Variants in MTMR8 observed in about 807,000 individuals in gnomAD.
MTMR8 encodes the protein myotubularin related protein 8, also known as phosphatidylinositol-3,5-bisphosphate 3-phosphatase MTMR8.
A neutral mutation model predicts 39.3 loss-of-function variants in MTMR8; 65 were observed. That is an observed-to-expected ratio of 1.65 (90% CI 1.35 to 2.03). The LOEUF (loss-of-function observed/expected upper bound fraction) is 2.03, where lower values mean the gene tolerates loss of function less well. MTMR8 is among the 30% of genes most tolerant of loss of function. The pLI is 0.00. For synonymous variants in MTMR8, 245 were observed against 185.2 expected (o/e 1.32, Z -2.62); for missense variants, 777 against 538.9 (o/e 1.44, Z -4.37).
rs759646541 is a variant in MTMR8 at position 64,383,164 on chromosome X, G to T, written c.24+12176C>A. Among the ~76,000 whole-genome samples, 4 of 110,995 alleles carry T rather than the reference G, an allele frequency of 3.6e-5. No individual in the cohort carries two copies. The South Asian group carries it at 1.5e-3, about 42-fold the overall frequency. ...GAAAAAAGATCTCTTTTGATCACCT[G>T]CCCCTAGGATTCTGTCCTGCAAAGT... On this transcript the variant is annotated intron_variant, in intron 1 of 13. Transcript: ENST00000374852.
chrX:64,337,420 C>G (rs975411080), intron 8 of MTMR8, 27 bp from the exon 9 acceptor site: 2 of 1,197,115 alleles, frequency 1.7e-6, no homozygotes, highest in African/African-American at 3.5e-5. Context: ...CAAAAAAGTA[C>G]CACAAGCAAC....
chrX:64,278,872 C>A (rs1931943147), intron 12 of MTMR8, among the ~76,000 whole-genome samples: 1 of 111,452 alleles, frequency 9.0e-6, no homozygotes, highest in Non-Finnish European at 1.9e-5. Context: ...ACTCCAGACC[C>A]TATTTGCCTG....
intron 1 of MTMR8, among the ~76,000 whole-genome samples, chrX:64,384,208 G>A (rs992542595): frequency 2.1e-4 from 24 of 112,027 alleles, no homozygotes; most frequent in Non-Finnish European, 4.3e-4. Context: ...CTGCTGTGAG[G>A]GGTGGACTCT....
Position 64,384,671 on chromosome X carries a change from C to G in MTMR8, c.24+10669G>C, listed in dbSNP as rs535244844. On this transcript the variant is annotated intron_variant, in intron 1 of 13. Transcript: ENST00000374852. ...CAAGCTATATCTGGGCCCCTTTGTG[C>G]CAAGGCTGGAGCCAGAGTAGCCCAG... 3.4e-4 allele frequency among the ~76,000 whole-genome samples: 38 copies of G among 112,579 alleles called. 1 individual carries two copies. In the South Asian group the frequency reaches 0.012, roughly 35 times the overall value.
At chrX:64,305,257 G>T in intron 12 of MTMR8, 1 of 171,016 alleles carries the variant, frequency 5.8e-6, no homozygotes, top group Admixed American at 7.5e-5. Context: ...TATAAGATTG[G>T]CTATGGATTC....
At chrX:64,272,138 G>T (rs1281967902) in intron 12 of MTMR8, among the ~76,000 whole-genome samples, 5 of 111,759 alleles carry the variant, frequency 4.5e-5, no homozygotes. Context: ...ATGACTTGGG[G>T]TGAGAGTGGA....
At position 64,362,387 on chromosome X, in the gene MTMR8, T is replaced by C. The variant is rs896339818; in HGVS notation, c.25-2860A>G. ...AAAAAAGTAAAGGGGAAAGATTTGCTCTACTAGGTATTAAAACATACTCAA... is the reference window on the plus strand; with the variant it reads ...AAAAAAGTAAAGGGGAAAGATTTGCCCTACTAGGTATTAAAACATACTCAA... On this transcript the variant is annotated intron_variant, in intron 1 of 13. Coordinates refer to ENST00000374852, the MANE Select transcript of MTMR8 (RefSeq NM_017677.4). Among the ~76,000 whole-genome samples the C allele has an allele frequency of 8.1e-5, 8 of 99,166 alleles. No individual in the cohort carries two copies. In the Admixed American group the frequency reaches 8.2e-4, roughly 10 times the overall value. 86.1% of individuals were successfully genotyped at this position (99,166 alleles called of 115,157 possible). A position where few individuals can be genotyped will look rare whatever the true frequency, so the allele number is the denominator to read the frequency against.
intron 1 of MTMR8, among the ~76,000 whole-genome samples, chrX:64,363,463 C>A (rs907704991): frequency 2.7e-5 from 3 of 111,802 alleles, no homozygotes; most frequent in Non-Finnish European, 5.6e-5. Flanking sequence ...CTGCTCCAAA[C>A]ATGTGAGATG....
At chrX:64,334,727 G>A (rs1015308547) in intron 10 of MTMR8, among the ~76,000 whole-genome samples, 2 of 110,597 alleles carry the variant, frequency 1.8e-5, no homozygotes, top group African/African-American at 6.6e-5. Flanking sequence ...CCTGTTTAAT[G>A]CCTTTATGGT....
chrX:64,380,006 C>A (rs1217639077), intron 1 of MTMR8, among the ~76,000 whole-genome samples: 1 of 111,627 alleles, frequency 9.0e-6, no homozygotes, highest in Admixed American at 9.6e-5. Flanking sequence ...AACCTCTCAG[C>A]AAACTAGGAA....
intron 12 of MTMR8, among the ~76,000 whole-genome samples, chrX:64,301,725 T>G (rs1312558901): frequency 3.6e-5 from 4 of 111,458 alleles, no homozygotes; most frequent in African/African-American, 1.3e-4. Context: ...CTTTTGGTCT[T>G]TGATGATGGT....
intron 1 of MTMR8, among the ~76,000 whole-genome samples, chrX:64,368,384 C>T (rs1316662386): frequency 4.5e-5 from 5 of 111,811 alleles, no homozygotes; most frequent in Non-Finnish European, 9.4e-5. Context: ...GTAACCAAAA[C>T]AGCATGGTAC....
chrX:64,310,905 A>G (rs1293919834), intron 12 of MTMR8, among the ~76,000 whole-genome samples: 2 of 111,980 alleles, frequency 1.8e-5, no homozygotes, highest in African/African-American at 6.5e-5. Flanking sequence ...TATCATTGAT[A>G]AACATTTGGG....
intron 12 of MTMR8, among the ~76,000 whole-genome samples, chrX:64,299,952 T>C (rs1437897598): frequency 8.3e-5 from 6 of 72,552 alleles, no homozygotes; most frequent in Admixed American, 1.7e-4. Context: ...AGATAGTTTG[T>C]TATAATTTCT....
At chrX:64,382,806 C>T (rs778757059) in intron 1 of MTMR8, among the ~76,000 whole-genome samples, 1 of 111,356 alleles carries the variant, frequency 9.0e-6, no homozygotes, top group South Asian at 3.8e-4. Context: ...CAAATTTAGG[C>T]CAATGGCTCT....
chrX:64,279,613 T>A (rs1243225914), intron 12 of MTMR8, among the ~76,000 whole-genome samples: 3 of 111,850 alleles, frequency 2.7e-5, no homozygotes, highest in Non-Finnish European at 5.6e-5. Flanking sequence ...GGTGTTTTTT[T>A]ACAGAAATGG....
chrX:64,337,512 T>G, intron 8 of MTMR8, 119 bp from the exon 9 acceptor site: 1 of 769,659 alleles, frequency 1.3e-6, no homozygotes, highest in Non-Finnish European at 1.9e-6. Flanking sequence ...GCTACATTAA[T>G]TTTTTCTCAT....
At position 64,322,752 on chromosome X, in the gene MTMR8, A is replaced by T. The variant is rs1002281069; in HGVS notation, c.1481+6020T>A. On this transcript the variant is annotated intron_variant, in intron 12 of 13. Coordinates refer to ENST00000374852, the MANE Select transcript of MTMR8 (RefSeq NM_017677.4). ...CCTTAGTGGTGGTGCACCATTCCCC[A>T]GCCAAGCTGTTACAGCACTCTATCC... Among the ~76,000 whole-genome samples, 9 of 112,234 alleles carry T rather than the reference A, an allele frequency of 8.0e-5. No individual in the cohort carries two copies. In the Middle Eastern group the frequency reaches 0.014, roughly 172 times the overall value.
At chrX:64,322,024 C>T (rs184264371) in intron 12 of MTMR8, among the ~76,000 whole-genome samples, 79 of 109,726 alleles carry the variant, frequency 7.2e-4, no homozygotes, top group African/African-American at 2.5e-3. Flanking sequence ...AACGTGCTGT[C>T]GAATTCTGTT....
Sources: allele counts gnomAD v4.1 joint callset (sites outside exome capture counted in the v4.1 genomes callset), GRCh38; gene constraint gnomAD v4.1.1; transcripts MANE v1.5; gene names NCBI Gene and HGNC (gene_info 2026-07-23, HGNC 2026-07-21).